The following ZNHIT3 variants were observed in gnomAD, a reference collection of about 807,000 sequenced individuals.
ZNHIT3 encodes zinc finger HIT-type containing 3.
Under a neutral mutation model 19.9 loss-of-function variants are expected in ZNHIT3, and 27 were observed. That is an observed-to-expected ratio of 1.36 (90% CI 1.00 to 1.87). The LOEUF is 1.87. Among genes scored for constraint, ZNHIT3 ranks in the 40% most tolerant of loss-of-function variants. The pLI is 0.00. For synonymous variants in ZNHIT3, 81 were observed against 65.7 expected (o/e 1.23, Z -1.13); for missense variants, 215 against 185.6 (o/e 1.16, Z -0.92).
At chr17:36,497,492 G>C (rs912197407), downstream of ZNHIT3, 1 of 977,320 alleles carries the variant, frequency 1.0e-6, no homozygotes. Context: ...GGACTAATTA[G>C]ATTATTTGCT....
chr17:36,487,091 C>A, intron 2 of ZNHIT3, 125 bp downstream of exon 2: 2 of 1,311,246 alleles, frequency 1.5e-6, no homozygotes, highest in African/African-American at 1.5e-5. Context: ...TCCGCGGGTT[C>A]TGCAGGAACC....
At chr17:36,493,173 T>G in intron 3 of ZNHIT3, 1 of 510,958 alleles carries the variant, frequency 2.0e-6, no homozygotes, top group East Asian at 3.4e-5. Flanking sequence ...TGGGCCCTGC[T>G]GGCAGGAGCC....
chr17:36,493,311 TCA>T, intron 3 of ZNHIT3: 1 of 232,728 alleles, frequency 4.3e-6, no homozygotes, highest in South Asian at 7.0e-5. Context: ...GGTTCAGAGC[TCA>T]CAGCAGTAGT....
Position 36,486,752 on chromosome 17 carries a change from C to T in ZNHIT3, c.53C>T (p.Pro18Leu), listed in dbSNP as rs772176410. Residue 18 changes from proline (P) to leucine (L), a missense_variant, in exon 1 of 5, where the codon CCC becomes CTC. Coordinates refer to ENST00000617429, the MANE Select transcript of ZNHIT3 (RefSeq NM_004773.4). ...GTCTGCGTGATCTGCTTGGAGAAGC[C>T]CAAATACCGCTGTCCAGCCTGCCGC... The part of the protein sequence containing the change: ...TVVCVICLEK[P>L]KYRCPACRVP... 12 of 1,613,594 alleles carry T rather than the reference C, an allele frequency of 7.4e-6. No individual in the cohort carries two copies. Among genetic ancestry groups the T allele is most frequent in the Non-Finnish European group, 1.0e-5 (12 of 1,179,850 alleles).
rs372589679 is a variant in ZNHIT3, at chr17:36,486,790, G to T, written c.86+5G>T. 2.7e-5 allele frequency: 43 copies of T among 1,612,574 alleles called. No homozygotes were observed. The highest frequency in any genetic ancestry group is 3.6e-5 in the Non-Finnish European group (43 of 1,179,510). On this transcript the variant is annotated splice_donor_5th_base_variant and intron_variant, in intron 1 of 4. Transcript: ENST00000617429. ...TCCAGCCTGCCGCGTGCCCTAGTGA[G>T]CGGGGAGGTCGCGGGGTCCAGGGGC...
chr17:36,497,252 C>T (rs1016308090), downstream of ZNHIT3, among the ~76,000 whole-genome samples: 6 of 151,460 alleles, frequency 4.0e-5, no homozygotes, highest in African/African-American at 4.9e-5. Flanking sequence ...GCAGGAGAAT[C>T]GCTTAAACCC....
intron 2 of ZNHIT3, among the ~76,000 whole-genome samples, chr17:36,488,904 C>T (rs1295011455): frequency 6.6e-6 from 1 of 152,196 alleles, no homozygotes; most frequent in Non-Finnish European, 1.5e-5. Context: ...CTGTGTAACA[C>T]TAGAACTTAT....
chr17:36,497,589 C>CTT (rs746721426), downstream of ZNHIT3: 853 of 810,826 alleles, frequency 1.1e-3, no homozygotes, highest in South Asian at 1.2e-3. Context: ...CTAAACCAAA[C>CTT]TTTTTTTTTT....
chr17:36,498,583 T>G (rs1237753467), downstream of ZNHIT3: 2 of 1,585,880 alleles, frequency 1.3e-6, no homozygotes, highest in Admixed American at 3.5e-5. Context: ...TATCCCTTTA[T>G]AGCTTTAGAT....
Position 36,495,209 on chromosome 17 carries a change from T to C in ZNHIT3, c.287-14T>C. On this transcript the variant is annotated splice_polypyrimidine_tract_variant and intron_variant, in intron 4 of 4. Coordinates refer to ENST00000617429, the MANE Select transcript of ZNHIT3 (RefSeq NM_004773.4). ...CTTGAACTCAGACTGGCTTTTTTTC[T>C]TGTTAATTTTTAGGGGAATCTGCAA... The C allele has an allele frequency of 6.4e-7, 1 of 1,552,208 alleles. No homozygotes were observed. Among genetic ancestry groups the C allele is most frequent in the Non-Finnish European group, 8.7e-7 (1 of 1,152,978 alleles).
intron 2 of ZNHIT3, chr17:36,491,469 C>A (rs1409764117): frequency 2.6e-5 from 4 of 152,148 alleles, no homozygotes; most frequent in African/African-American, 7.2e-5. Flanking sequence ...GTAACGGAGA[C>A]AAACTTTATC....
chr17:36,495,373 T>C lies in ZNHIT3; in HGVS notation c.437T>C (p.Ile146Thr), dbSNP rs1225724185. ...FVEFADCCLG[I>T]VEPSQNEES ...GAGTTTGCAGACTGCTGTTTAGGAA[T>C]TGTGGAGCCATCCCAGAATGAGGAG... is the stretch of plus-strand genomic sequence containing the variant. Residue 146 changes from isoleucine to threonine, a missense_variant, in exon 5 of 5, where the codon ATT becomes ACT. Coordinates refer to ENST00000617429, the MANE Select transcript of ZNHIT3 (RefSeq NM_004773.4). 1 of 1,609,962 alleles carries C rather than the reference T, an allele frequency of 6.2e-7. No individual in the cohort carries two copies. The highest frequency in any genetic ancestry group is 8.5e-7 in the Non-Finnish European group (1 of 1,178,882).
Position 36,495,790 on chromosome 17 carries a change from T to C in ZNHIT3, c.*386T>C. 8.1e-7 allele frequency: 1 copy of C among 1,239,512 alleles called. No individual in the cohort carries two copies. Among genetic ancestry groups the C allele is most frequent in the Non-Finnish European group, 1.0e-6 (1 of 991,938 alleles). 76.8% of individuals were successfully genotyped at this position (1,239,512 alleles called of 1,614,324 possible). On this transcript the variant is annotated 3_prime_UTR_variant, in exon 5 of 5. Transcript: ENST00000617429. ...TATTCATAATTTAATTGTTTGAAATTACATTAAATAAATCAACTAATTAAA... is the reference window on the plus strand; with the variant it reads ...TATTCATAATTTAATTGTTTGAAATCACATTAAATAAATCAACTAATTAAA...
At chr17:36,496,017 T>C (rs923023144), downstream of ZNHIT3, 13 of 795,174 alleles carry the variant, frequency 1.6e-5, no homozygotes, top group Admixed American at 6.6e-5. Flanking sequence ...CTGATGTTTC[T>C]TAACCCTGAT....
chr17:36,493,118 A>C, intron 3 of ZNHIT3: 1 of 590,424 alleles, frequency 1.7e-6, no homozygotes. Context: ...AATGGGCAGA[A>C]GACAGAGATG....
intron 2 of ZNHIT3, chr17:36,490,502 G>A (rs907248566): frequency 1.3e-5 from 2 of 152,046 alleles, no homozygotes; most frequent in East Asian, 1.9e-4. Flanking sequence ...AGTATATTTC[G>A]AGGCCAAGTA....
chr17:36,486,835 G>A (rs1390065498), intron 1 of ZNHIT3, 50 bp downstream of exon 1: 1 of 1,601,092 alleles, frequency 6.2e-7, no homozygotes. Flanking sequence ...CGGCCATGGC[G>A]GGAGGGCGGG....
intron 4 of ZNHIT3, among the ~76,000 whole-genome samples, chr17:36,494,639 T>C (rs1249221759): frequency 6.6e-6 from 1 of 152,250 alleles, no homozygotes; most frequent in East Asian, 1.9e-4. Context: ...TGGTAATGAT[T>C]AGTTAGACTG....
rs370819821 is a variant in ZNHIT3, at chr17:36,487,016, C to T, written c.118+50C>T. The T allele has an allele frequency of 1.9e-5, 31 of 1,600,126 alleles. No homozygotes were observed. In the African/African-American group the frequency reaches 3.2e-4, roughly 17 times the overall value. The stretch of plus-strand genomic sequence containing the variant: ...CGTACCACTGCGCACGGGGCAGCCC[C>T]CACGTCCAGCCTCCGTCTTGGGGGC... On this transcript the variant is annotated intron_variant, in intron 2 of 4. Coordinates refer to ENST00000617429, the MANE Select transcript of ZNHIT3 (RefSeq NM_004773.4).
Sources: gnomAD v4.1 joint callset for allele counts (sites outside exome capture counted in the v4.1 genomes callset) on GRCh38, gnomAD v4.1.1 for gene constraint, MANE v1.5 for transcripts, NCBI Gene and HGNC (gene_info 2026-07-23, HGNC 2026-07-21) for gene names.